FGFRL1: variants seen among roughly 807,000 people sequenced by gnomAD.
FGFRL1 encodes the protein fibroblast growth factor receptor like 1.
In FGFRL1, 24 loss-of-function variants were observed where a neutral mutation model predicts 36.8. That is an observed-to-expected ratio of 0.65 (90% CI 0.47 to 0.92). FGFRL1 has a LOEUF of 0.92. Ranked by LOEUF, FGFRL1 falls within the 40% of genes least tolerant of loss-of-function variation. The pLI is 0.00. For synonymous variants in FGFRL1, 422 were observed against 344.1 expected, an observed-to-expected ratio of 1.23 and a Z score of -2.50; for missense variants, 785 against 753.4, an observed-to-expected ratio of 1.04 and a Z score of -0.49.
intron 2 of FGFRL1, among the ~76,000 whole-genome samples, chr4:1,015,559 G>C (rs1336200557): frequency 1.3e-5 from 2 of 152,238 alleles, no homozygotes; most frequent in Admixed American, 6.5e-5. Context: ...GCAAGTCAGC[G>C]TGGGTGGGGG....
At chr4:1,017,968 G>A (rs1257975888) in intron 2 of FGFRL1, among the ~76,000 whole-genome samples, 1 of 152,218 alleles carries the variant, frequency 6.6e-6, no homozygotes, top group African/African-American at 2.4e-5. Flanking sequence ...ACGGGAGAGG[G>A]GCTTGGGTGT....
rs1382204646 is a variant in FGFRL1 at position 1,024,046 on chromosome 4, C to T, written c.663C>T (p.Cys221=). The change falls in exon 5 of 7, where the codon TGC becomes TGT. Residue 221 remains cysteine (C), a synonymous_variant. Transcript: ENST00000510644. The part of the protein sequence containing the change: ...LRPEDSGKYT[C]RVSNRAGAIN... ...CGGAGGACAGCGGCAAATACACCTG[C>T]CGCGTGTCGAACCGCGCGGGCGCCA... is the stretch of plus-strand genomic sequence containing the variant. 2 of 1,607,074 alleles carry T rather than the reference C, an allele frequency of 1.2e-6. No homozygotes were observed. Among genetic ancestry groups the T allele is most frequent in the African/African-American group, 2.7e-5 (2 of 74,886 alleles).
In FGFRL1 at chr4:1,011,804, C is replaced by A. The variant is rs1317768367; in HGVS notation, c.-167C>A. 7.0e-6 allele frequency: 1 copy of A among 143,746 alleles called. No individual in the cohort carries two copies. The highest frequency in any genetic ancestry group is 6.8e-5 in the Admixed American group (1 of 14,600). The allele number at this position is 143,746 out of a possible 1,614,324, so 8.9% of individuals were successfully genotyped here. On this transcript the variant is annotated 5_prime_UTR_variant, in exon 1 of 7. Coordinates refer to ENST00000510644, the MANE Select transcript of FGFRL1 (RefSeq NM_001004356.3). ...GCCCGGACCCCGACCCGGCCCGAGC[C>A]GCCCGCGCCCAGGTAGCGCCGCCCC...
In FGFRL1 at chr4:1,023,795, T is replaced by C; in HGVS notation, c.434-22T>C. ...TTGGCTGCATCCCCGTCCTCTGACC[T>C]CCACGCCACCCCACCCCGCAGCACG... On this transcript the variant is annotated intron_variant, in intron 4 of 6. Coordinates refer to ENST00000510644, the MANE Select transcript of FGFRL1 (RefSeq NM_001004356.3). This position sits in a 1 kb window ranked among gnomAD's most constrained non-coding sequence, Gnocchi z 6.0. 6.4e-7 allele frequency: 1 copy of C among 1,568,016 alleles called. No individual in the cohort carries two copies. Among genetic ancestry groups the C allele is most frequent in the Admixed American group, 1.8e-5 (1 of 56,668 alleles).
intron 2 of FGFRL1, among the ~76,000 whole-genome samples, chr4:1,016,729 G>A (rs1184097968): frequency 1.3e-5 from 2 of 152,144 alleles, no homozygotes; most frequent in Admixed American, 6.5e-5. Context: ...CCCTGGGTCT[G>A]TGTATGCAGG....
rs376334538 is a variant in FGFRL1 at position 1,024,690 on chromosome 4, A to G, written c.1072+26A>G. ...GTGCGCGGCTGCCACGCCACGCCAC[A>G]CCATGCTGGTGCCCGGACCCGCCCC... On this transcript the variant is annotated intron_variant, in intron 6 of 6. Coordinates refer to ENST00000510644, the MANE Select transcript of FGFRL1 (RefSeq NM_001004356.3). 1.3e-5 allele frequency: 21 copies of G among 1,572,612 alleles called. No homozygotes were observed. In the African/African-American group the frequency reaches 2.3e-4, roughly 17 times the overall value.
At chr4:1,010,556 G>A (rs1715531231), upstream of FGFRL1, among the ~76,000 whole-genome samples, 1 of 152,246 alleles carries the variant, frequency 6.6e-6, no homozygotes. Flanking sequence ...CTGGAAGAGG[G>A]GGCTTCAGGC....
intron 2 of FGFRL1, among the ~76,000 whole-genome samples, chr4:1,015,112 G>A (rs1048167384): frequency 1.3e-5 from 2 of 152,190 alleles, no homozygotes; most frequent in Non-Finnish European, 2.9e-5. Flanking sequence ...TGCTGGGAGA[G>A]GCGGGCTGTG....
chr4:1,010,697 G>A (rs1465883730), upstream of FGFRL1, among the ~76,000 whole-genome samples: 1 of 152,178 alleles, frequency 6.6e-6, no homozygotes, highest in African/African-American at 2.4e-5. Context: ...AGGATGAGGG[G>A]AGGCCATGGG....
chr4:1,021,258 C>G (rs1428060266), intron 2 of FGFRL1, among the ~76,000 whole-genome samples: 1 of 151,846 alleles, frequency 6.6e-6, no homozygotes, highest in African/African-American at 2.4e-5. Context: ...GGAAAGGAGG[C>G]CTCTGCCAGG....
chr4:1,024,597 G>A lies in FGFRL1; in HGVS notation c.1005G>A (p.Met335Ile). The A allele has an allele frequency of 6.2e-7, 1 of 1,612,230 alleles. No homozygotes were observed. The highest frequency in any genetic ancestry group is 8.5e-7 in the Non-Finnish European group (1 of 1,179,756). ...GTGCCCGCCAGGACGATGCGGGCATGTACATCTGCCTTGGCGCCAACACCA... is the reference window on the plus strand; with the variant it reads ...GTGCCCGCCAGGACGATGCGGGCATATACATCTGCCTTGGCGCCAACACCA... ...ITRARQDDAG[M>I]YICLGANTMG... Residue 335 changes from methionine to isoleucine, a missense_variant, in exon 6 of 7, where the codon ATG (methionine) becomes ATA (isoleucine). By Grantham distance (10) the Met-to-Ile change is conservative (BLOSUM62 1). Transcript: ENST00000510644.
intron 2 of FGFRL1, among the ~76,000 whole-genome samples, chr4:1,019,664 G>A (rs1716070765): frequency 6.6e-6 from 1 of 152,140 alleles, no homozygotes; most frequent in Non-Finnish European, 1.5e-5. Context: ...ACACTGAGGG[G>A]GTGGTGGGCT....
At chr4:1,012,255 A>G (rs1015801898) in intron 1 of FGFRL1, 30 of 500,554 alleles carry the variant, frequency 6.0e-5, no homozygotes, top group Admixed American at 4.7e-4. Context: ...GTGTTTGGAG[A>G]GGGGGGGCGG....
At chr4:1,010,457 GGCGC>G (rs2153024383), upstream of FGFRL1, among the ~76,000 whole-genome samples, 2 of 152,364 alleles carry the variant, frequency 1.3e-5, no homozygotes, top group South Asian at 4.1e-4. Flanking sequence ...CCTGACAGCT[GGCGC>G]CCCCCACGCC....
chr4:1,017,139 G>A (rs1448857467), intron 2 of FGFRL1, among the ~76,000 whole-genome samples: 1 of 152,112 alleles, frequency 6.6e-6, no homozygotes, highest in Non-Finnish European at 1.5e-5. Flanking sequence ...AGGCCACTCA[G>A]CTTCTCCAGG....
intron 2 of FGFRL1, among the ~76,000 whole-genome samples, chr4:1,019,797 C>G (rs142215160): frequency 2.4e-4 from 36 of 152,156 alleles, no homozygotes; most frequent in Non-Finnish European, 4.7e-4. Flanking sequence ...GAGGGAGAGA[C>G]GTGAGTCAGA....
intron 2 of FGFRL1, among the ~76,000 whole-genome samples, chr4:1,013,274 C>T (rs988641687): frequency 3.9e-5 from 6 of 152,256 alleles, no homozygotes; most frequent in South Asian, 2.1e-4. Context: ...GACGTGTGCC[C>T]GCAGACTCAT....
rs1303811600 is a variant in FGFRL1 at position 1,026,800 on chromosome 4, T to C, written c.*1453T>C. On this transcript the variant is annotated 3_prime_UTR_variant, in exon 7 of 7. Coordinates refer to ENST00000510644, the MANE Select transcript of FGFRL1 (RefSeq NM_001004356.3). ...GACACCACCCCCCACCCCACTGTCGTGGTGGCCCCAGATCTCTGTAATTTT... is the reference window on the plus strand; with the variant it reads ...GACACCACCCCCCACCCCACTGTCGCGGTGGCCCCAGATCTCTGTAATTTT... 2.2e-6 allele frequency: 1 copy of C among 454,688 alleles called. No individual in the cohort carries two copies. The highest frequency in any genetic ancestry group is 4.4e-6 in the Non-Finnish European group (1 of 226,078). The allele number at this position is 454,688 out of a possible 1,614,324, so 28.2% of individuals were successfully genotyped here. A position where few individuals can be genotyped will look rare whatever the true frequency, so the allele number is the denominator to read the frequency against.
chr4:1,021,417 GAGC>G (rs1377782747), intron 2 of FGFRL1, among the ~76,000 whole-genome samples: 1 of 152,070 alleles, frequency 6.6e-6, no homozygotes. Context: ...TGGTCAGCCC[GAGC>G]TACGTCTCTC....
Sources: gnomAD v4.1 joint callset for allele counts (sites outside exome capture counted in the v4.1 genomes callset) on GRCh38, gnomAD v4.1.1 for gene constraint, Gnocchi (gnomAD v3.1) non-coding constraint, MANE v1.5 for transcripts, NCBI Gene and HGNC (gene_info 2026-07-23, HGNC 2026-07-21) for gene names.